The following NSMAF variants were observed in gnomAD, a reference collection of about 807,000 sequenced individuals.
NSMAF encodes the protein protein FAN.
Under a neutral mutation model 134.9 loss-of-function variants are expected in NSMAF, and 90 were observed. The observed-to-expected ratio is 0.67, with a 90% CI of 0.56 to 0.79. NSMAF has a LOEUF of 0.79. NSMAF is among the 30% of genes least tolerant of loss of function. NSMAF has a pLI of 0.00. For synonymous variants in NSMAF, 358 were observed against 389.6 expected, an observed-to-expected ratio of 0.92 and a Z score of 0.96; for missense variants, 1,010 against 1,119.0, an observed-to-expected ratio of 0.90 and a Z score of 1.39.
intron 2 of NSMAF, among the ~76,000 whole-genome samples, chr8:58,638,909 C>T (rs929768283): frequency 4.6e-5 from 7 of 152,080 alleles, no homozygotes; most frequent in African/African-American, 9.7e-5. Flanking sequence ...ATAAAAAACT[C>T]GAACAACTTG....
intron 10 of NSMAF, among the ~76,000 whole-genome samples, chr8:58,608,845 T>C (rs1335399689): frequency 1.3e-5 from 2 of 152,136 alleles, no homozygotes; most frequent in Non-Finnish European, 2.9e-5. Flanking sequence ...ATTTCCAAGG[T>C]GGAACTTTCT....
intron 24 of NSMAF, among the ~76,000 whole-genome samples, chr8:58,590,346 ACT>A (rs1805994191): frequency 6.6e-6 from 1 of 151,914 alleles, no homozygotes; most frequent in African/African-American, 2.4e-5. Context: ...GCCCACTCAC[ACT>A]CTGGAGTAAA....
chr8:58,610,578 C>T lies in NSMAF; in HGVS notation c.558-845G>A, dbSNP rs112228649. On this transcript the variant is annotated intron_variant, in intron 9 of 30. Transcript: ENST00000038176. ...CGACTGGAATGTTGAGCATGTAAAGCAACCTAAATGAACATGATTGCAAAA... is the reference window on the plus strand; with the variant it reads ...CGACTGGAATGTTGAGCATGTAAAGTAACCTAAATGAACATGATTGCAAAA... Among the ~76,000 whole-genome samples the T allele has an allele frequency of 3.2e-3, 483 of 152,188 alleles. 2 individuals carry two copies. Among genetic ancestry groups the T allele is most frequent in the African/African-American group, 0.011 (459 of 41,502 alleles).
chr8:58,621,832 T>G (rs942008803), intron 9 of NSMAF, among the ~76,000 whole-genome samples: 12 of 152,208 alleles, frequency 7.9e-5, no homozygotes, highest in Non-Finnish European at 1.8e-4. Flanking sequence ...ATGGGGTTGT[T>G]CATTTTTTGC....
intron 13 of NSMAF, 60 bp from the exon 14 acceptor site, chr8:58,602,197 T>C: frequency 7.7e-7 from 1 of 1,296,720 alleles, no homozygotes; most frequent in Non-Finnish European, 1.1e-6. Flanking sequence ...ACCTCCTGAA[T>C]TAATTCAAAT....
intron 9 of NSMAF, among the ~76,000 whole-genome samples, chr8:58,613,642 T>G (rs1216647170): frequency 6.6e-6 from 1 of 152,206 alleles, no homozygotes; most frequent in African/African-American, 2.4e-5. Flanking sequence ...TGACACTGTA[T>G]ATAATAGTGG....
intron 21 of NSMAF, 199 bp from the exon 22 acceptor site, chr8:58,595,858 T>C (rs963271277): frequency 2.0e-6 from 1 of 496,624 alleles, no homozygotes; most frequent in East Asian, 3.3e-5. Context: ...ATAAAAAGTA[T>C]CTTTGAATAA....
At chr8:58,621,130 T>TATTG (rs1481413802) in intron 9 of NSMAF, among the ~76,000 whole-genome samples, 1 of 152,166 alleles carries the variant, frequency 6.6e-6, no homozygotes, top group East Asian at 1.9e-4. Flanking sequence ...GCTCAGTGTC[T>TATTG]ATTGTTCCCT....
At chr8:58,639,968 G>A (rs564964342) in intron 2 of NSMAF, 42 of 398,664 alleles carry the variant, frequency 1.1e-4, no homozygotes, top group South Asian at 6.6e-4. Context: ...TGGAACTTAC[G>A]AAAATTTTTT....
chr8:58,590,101 C>A, intron 24 of NSMAF, 27 bp from the exon 25 acceptor site: 1 of 1,585,228 alleles, frequency 6.3e-7, no homozygotes, highest in Non-Finnish European at 8.7e-7. Flanking sequence ...TTGACGTTAA[C>A]AATCTATAAT....
intron 18 of NSMAF, 126 bp from the exon 19 acceptor site, chr8:58,599,489 T>C: frequency 1.7e-6 from 2 of 1,151,728 alleles, no homozygotes; most frequent in Non-Finnish European, 2.4e-6. Flanking sequence ...TAATGCAGTT[T>C]TCTTTTTCTA....
At position 58,609,733 on chromosome 8, in the gene NSMAF, C is replaced by G; in HGVS notation, c.558G>C (p.Arg186Ser). 1 of 1,613,808 alleles carries G rather than the reference C, an allele frequency of 6.2e-7. No individual in the cohort carries two copies. The highest frequency in any genetic ancestry group is 8.5e-7 in the Non-Finnish European group (1 of 1,179,914). Residue 186 changes from arginine (R) to serine (S), a missense_variant and splice_region_variant, in exon 10 of 31, where the codon AGG (arginine) becomes AGC (serine). By Grantham distance (110) the Arg-to-Ser change is moderately radical (BLOSUM62 -1). Transcript: ENST00000038176. ...GCAGCTTTTCAGAAATGTTTTGGAA[C>G]CTGAAAATAGGTTTTTCAGCAAAAG... is the stretch of plus-strand genomic sequence containing the variant. ...RLARTSFDKN[R>S]FQNISEKLHM...
intron 1 of NSMAF, among the ~76,000 whole-genome samples, chr8:58,644,883 G>T (rs1236966977): frequency 1.3e-5 from 2 of 152,160 alleles, no homozygotes. Flanking sequence ...GCACCGCCAT[G>T]TTCTCGCTCA....
chr8:58,658,571 C>T (rs542807123), intron 1 of NSMAF, among the ~76,000 whole-genome samples: 1 of 152,288 alleles, frequency 6.6e-6, no homozygotes, highest in African/African-American at 2.4e-5. Flanking sequence ...ACCTGCTTTG[C>T]TGGTATTCAC....
Position 58,657,531 on chromosome 8 carries a change from G to C in NSMAF, c.59+2042C>G, listed in dbSNP as rs112613718. On this transcript the variant is annotated intron_variant, in intron 1 of 30. Transcript: ENST00000038176. ...TCTGGGCAGAAATGGTAAATTTGGG[G>C]CTTAATAAAGTTGCCTTAAAATATT... Among the ~76,000 whole-genome samples the C allele has an allele frequency of 8.8e-3, 1,348 of 152,328 alleles. 24 individuals are homozygous for C. The highest frequency in any genetic ancestry group is 0.03 in the African/African-American group (1,268 of 41,578).
intron 5 of NSMAF, 147 bp from the exon 6 acceptor site, chr8:58,631,693 A>T (rs17206746): frequency 0.29 from 132,645 of 464,390 alleles, 20,059 homozygotes; most frequent in Non-Finnish European, 0.31. Context: ...TAGTATTAGT[A>T]CTAGTATGGC....
chr8:58,632,865 CACT>C (rs1229929792), intron 5 of NSMAF, among the ~76,000 whole-genome samples: 1 of 152,196 alleles, frequency 6.6e-6, no homozygotes, highest in East Asian at 1.9e-4. Context: ...CTATAAAGGG[CACT>C]ACTGTCTATC....
At chr8:58,599,570 T>C (rs1457771233) in intron 18 of NSMAF, 180 bp downstream of exon 18, 19 of 870,992 alleles carry the variant, frequency 2.2e-5, no homozygotes, top group South Asian at 1.2e-4. Context: ...CTCTCAAATA[T>C]ATATTAATGT....
intron 27 of NSMAF, 107 bp from the exon 28 acceptor site, chr8:58,586,715 T>C: frequency 1.2e-6 from 1 of 827,446 alleles, no homozygotes; most frequent in Non-Finnish European, 1.9e-6. Context: ...AATTAAACTC[T>C]ATTGTGCAGT....
Sources: gnomAD v4.1 joint callset for allele counts (sites outside exome capture counted in the v4.1 genomes callset) on GRCh38, gnomAD v4.1.1 for gene constraint, MANE v1.5 for transcripts, NCBI Gene and HGNC (gene_info 2026-07-23, HGNC 2026-07-21) for gene names.